Variants in MCUB observed in about 807,000 individuals in gnomAD.
MCUB encodes calcium uniporter regulatory subunit MCUb, mitochondrial.
MCUB carries 46 observed loss-of-function variants against 41.4 expected under a neutral mutation model. The observed-to-expected ratio is 1.11, with a 90% CI of 0.88 to 1.42. The LOEUF is 1.42. MCUB is among the 40% of genes most tolerant of loss of function. The pLI, the probability that MCUB is intolerant of heterozygous loss-of-function variation, is 0.00. For missense variants in MCUB, 403 were observed against 404.9 expected (o/e 1.00, Z 0.04); for synonymous variants, 148 against 148.2 (o/e 1.00, Z 0.01).
intron 1 of MCUB, among the ~76,000 whole-genome samples, chr4:109,629,746 C>T (rs1728434645): frequency 1.3e-5 from 2 of 152,306 alleles, no homozygotes; most frequent in Admixed American, 6.5e-5. Flanking sequence ...CACTTCTGTC[C>T]ACTCTCTGGG....
chr4:109,595,034 G>A (rs911856559), intron 1 of MCUB, among the ~76,000 whole-genome samples: 1 of 151,586 alleles, frequency 6.6e-6, no homozygotes, highest in African/African-American at 2.4e-5. Context: ...TATTCCAACC[G>A]AAATAACAAA....
intron 1 of MCUB, among the ~76,000 whole-genome samples, chr4:109,636,235 G>A (rs1451133410): frequency 1.3e-5 from 2 of 152,236 alleles, no homozygotes; most frequent in East Asian, 1.9e-4. Context: ...CTAAAACATC[G>A]GAGATTGTAT....
intron 3 of MCUB, among the ~76,000 whole-genome samples, chr4:109,663,194 C>T (rs916528749): frequency 1.3e-5 from 2 of 152,216 alleles, no homozygotes; most frequent in African/African-American, 4.8e-5. Context: ...TGAAAATACA[C>T]ATCCAGCATT....
intron 1 of MCUB, among the ~76,000 whole-genome samples, chr4:109,653,492 A>G (rs1375484706): frequency 6.6e-6 from 1 of 152,072 alleles, no homozygotes; most frequent in African/African-American, 2.4e-5. Flanking sequence ...TAGAGTTTCT[A>G]TGTCTTTCCG....
chr4:109,667,804 C>G (rs998017262), intron 4 of MCUB, among the ~76,000 whole-genome samples: 1 of 151,496 alleles, frequency 6.6e-6, no homozygotes, highest in Non-Finnish European at 1.5e-5. Flanking sequence ...AGATTCCCCT[C>G]TGAGCATTGC....
chr4:109,612,949 A>C (rs944781946), intron 1 of MCUB, among the ~76,000 whole-genome samples: 1 of 152,040 alleles, frequency 6.6e-6, no homozygotes, highest in Admixed American at 6.6e-5. Context: ...TACTAAAAAT[A>C]TAAAAAATTA....
chr4:109,669,782 C>T (rs906853995), intron 4 of MCUB, among the ~76,000 whole-genome samples: 1 of 150,242 alleles, frequency 6.7e-6, no homozygotes, highest in Admixed American at 6.6e-5. Flanking sequence ...GAGATTCTTT[C>T]TTCAGCTATG....
At chr4:109,596,335 CA>C (rs1727554714) in intron 1 of MCUB, among the ~76,000 whole-genome samples, 1 of 125,678 alleles carries the variant, frequency 8.0e-6, no homozygotes. Flanking sequence ...CAGTCCAAAA[CA>C]GGGTCCTTGG....
At chr4:109,567,899 A>G (rs1357810664) in intron 1 of MCUB, among the ~76,000 whole-genome samples, 6 of 152,002 alleles carry the variant, frequency 3.9e-5, no homozygotes, top group African/African-American at 1.4e-4. Flanking sequence ...GGGTTTCACT[A>G]TATTGGTCAG....
intron 1 of MCUB, among the ~76,000 whole-genome samples, chr4:109,586,350 G>A (rs933042099): frequency 6.6e-6 from 1 of 152,146 alleles, no homozygotes; most frequent in Non-Finnish European, 1.5e-5. Context: ...TTGGCCATTT[G>A]TCTAATCTTT....
chr4:109,637,919 A>G (rs1561236135), intron 1 of MCUB, among the ~76,000 whole-genome samples: 1 of 152,232 alleles, frequency 6.6e-6, no homozygotes, highest in Non-Finnish European at 1.5e-5. Context: ...AAATTTTTAA[A>G]ATGTTTAAAA....
chr4:109,613,936 T>C (rs1048718494), intron 1 of MCUB, among the ~76,000 whole-genome samples: 2 of 152,214 alleles, frequency 1.3e-5, no homozygotes, highest in Admixed American at 6.5e-5. Context: ...GAAGTTGATA[T>C]AATCCACCAA....
intron 1 of MCUB, among the ~76,000 whole-genome samples, chr4:109,576,343 A>G (rs994822446): frequency 1.3e-5 from 2 of 152,220 alleles, no homozygotes; most frequent in African/African-American, 2.4e-5. Flanking sequence ...TCATCCAAAT[A>G]ACAAATATAT....
intron 1 of MCUB, among the ~76,000 whole-genome samples, chr4:109,593,157 G>A (rs886459280): frequency 2.0e-5 from 3 of 152,218 alleles, no homozygotes; most frequent in Non-Finnish European, 4.4e-5. Context: ...GGGATGGGAT[G>A]TAGTGAAAAG....
At chr4:109,582,316 G>A (rs1164731947) in intron 1 of MCUB, among the ~76,000 whole-genome samples, 4 of 138,710 alleles carry the variant, frequency 2.9e-5, no homozygotes, top group African/African-American at 1.1e-4. Flanking sequence ...TCATAGGTGG[G>A]AATTGAACAA....
chr4:109,681,572 C>G lies in MCUB; in HGVS notation c.452-1010C>G, dbSNP rs188676965. 235 of 390,116 alleles carry G rather than the reference C, an allele frequency of 6.0e-4. 5 individuals are homozygous for G. Among genetic ancestry groups the G allele is most frequent in the African/African-American group, 4.5e-3 (216 of 48,100 alleles). The allele number at this position is 390,116 out of a possible 1,614,324, so 24.2% of individuals were successfully genotyped here. ...CTAAGGAACGGAATCTTGGGCCATG[C>G]AGTGTTACAGCTCTATTAGAAGTCG... On this transcript the variant is annotated intron_variant, in intron 4 of 7. Coordinates refer to ENST00000394650, the MANE Select transcript of MCUB (RefSeq NM_017918.5).
intron 1 of MCUB, among the ~76,000 whole-genome samples, chr4:109,633,802 C>T (rs952238480): frequency 6.6e-6 from 1 of 151,982 alleles, no homozygotes; most frequent in Non-Finnish European, 1.5e-5. Flanking sequence ...CCTTTGAGAC[C>T]GTGCTTGACA....
At chr4:109,635,052 G>A (rs1728559099) in intron 1 of MCUB, among the ~76,000 whole-genome samples, 1 of 151,996 alleles carries the variant, frequency 6.6e-6, no homozygotes, top group South Asian at 2.1e-4. Context: ...AACATGTGGT[G>A]TTTGGTTTTC....
intron 1 of MCUB, among the ~76,000 whole-genome samples, chr4:109,606,641 T>C (rs996414515): frequency 5.3e-5 from 8 of 152,354 alleles, no homozygotes; most frequent in African/African-American, 1.9e-4. Context: ...CTAACAAGTA[T>C]AAAGAAGACT....
Sources: gnomAD v4.1 joint callset for allele counts (sites outside exome capture counted in the v4.1 genomes callset) on GRCh38, gnomAD v4.1.1 for gene constraint, MANE v1.5 for transcripts, NCBI Gene and HGNC (gene_info 2026-07-23, HGNC 2026-07-21) for gene names.